The following GNB1 variants were observed in gnomAD, a reference collection of about 807,000 sequenced individuals.
GNB1 encodes the protein guanine nucleotide-binding protein G(I)/G(S)/G(T) subunit beta-1.
GNB1 carries 2 observed loss-of-function variants against 42.9 expected under a neutral mutation model. The ratio of observed to expected loss-of-function variants is 0.05; its 90% CI spans 0.02 to 0.15. The LOEUF (loss-of-function observed/expected upper bound fraction) is 0.15, where lower values mean the gene tolerates loss of function less well. GNB1 is among the 10% of genes least tolerant of loss of function. The probability of loss-of-function intolerance (pLI) is 1.00; values close to 1 mark genes in which losing one functional copy is unlikely to be tolerated. For missense variants in GNB1, 193 were observed against 462.2 expected (o/e 0.42, Z 5.34); for synonymous variants, 183 against 174.7 (o/e 1.05, Z -0.38).
chr1:1,875,846 C>A (rs558591260), intron 1 of GNB1, among the ~76,000 whole-genome samples: 98 of 152,166 alleles, frequency 6.4e-4, no homozygotes, highest in Non-Finnish European at 9.4e-4. Context: ...GTCCCCCCCC[C>A]CAAAATTCAT....
At chr1:1,832,733 G>A (rs888032031) in intron 2 of GNB1, among the ~76,000 whole-genome samples, 1 of 152,152 alleles carries the variant, frequency 6.6e-6, no homozygotes, top group African/African-American at 2.4e-5. Flanking sequence ...ATATTACACA[G>A]TCACCAATAA....
chr1:1,846,958 G>A (rs1158791767), intron 1 of GNB1, among the ~76,000 whole-genome samples: 3 of 152,208 alleles, frequency 2.0e-5, no homozygotes, highest in Non-Finnish European at 2.9e-5. Context: ...AAGATAACAG[G>A]AGAAGCAGTT....
chr1:1,865,042 C>G (rs886198676), intron 1 of GNB1, among the ~76,000 whole-genome samples: 7 of 151,378 alleles, frequency 4.6e-5, no homozygotes, highest in Non-Finnish European at 2.9e-5. Flanking sequence ...GCGGGCAGAT[C>G]ACAAGGTCAG....
At chr1:1,838,248 T>C (rs568147596) in intron 2 of GNB1, among the ~76,000 whole-genome samples, 1 of 152,136 alleles carries the variant, frequency 6.6e-6, no homozygotes, top group African/African-American at 2.4e-5. Flanking sequence ...CTAATTGCTA[T>C]TCAATTTAAT....
At chr1:1,828,788 T>C (rs866010124) in intron 2 of GNB1, among the ~76,000 whole-genome samples, 9 of 152,188 alleles carry the variant, frequency 5.9e-5, no homozygotes, top group African/African-American at 1.9e-4. Context: ...TGGGCTATAA[T>C]CCCAACACTT....
intron 1 of GNB1, among the ~76,000 whole-genome samples, chr1:1,859,920 A>G (rs1648526582): frequency 6.6e-6 from 1 of 152,016 alleles, no homozygotes; most frequent in African/African-American, 2.4e-5. Context: ...GGGAGAGGGG[A>G]CGGAAAGCAT....
At position 1,815,866 on chromosome 1, in the gene GNB1, G is replaced by C. The variant is rs1646847100; in HGVS notation, c.97-4C>G. On this transcript the variant is annotated splice_polypyrimidine_tract_variant and splice_region_variant and intron_variant, in intron 4 of 11. Coordinates refer to ENST00000378609, the MANE Select transcript of GNB1 (RefSeq NM_002074.5). ...CTGGGTCGATGTTGTTTGTGATCTT[G>C]AAAATAAAAACATTTCTGTAAATCA... The C allele has an allele frequency of 6.5e-7, 1 of 1,536,090 alleles. No individual in the cohort carries two copies. Among genetic ancestry groups the C allele is most frequent in the Admixed American group, 1.7e-5 (1 of 59,864 alleles).
In GNB1 at chr1:1,820,352, T is replaced by C. The variant is rs867345860; in HGVS notation, c.58-2477A>G. On this transcript the variant is annotated intron_variant, in intron 3 of 11. Transcript: ENST00000378609. ...CAGCCCGGGCAACAGAGCGAGACTC[T>C]GTTTAAAAAAAAAAAAAAAAAAAAA... is the stretch of plus-strand genomic sequence containing the variant. 1.7e-4 allele frequency among the ~76,000 whole-genome samples: 20 copies of C among 116,960 alleles called. No homozygotes were observed. In the South Asian group the frequency reaches 5.6e-3, roughly 33 times the overall value. 76.7% of individuals were successfully genotyped at this position (116,960 alleles called of 152,430 possible).
intron 1 of GNB1, among the ~76,000 whole-genome samples, chr1:1,863,839 CA>C (rs1648764949): frequency 6.6e-6 from 1 of 152,150 alleles, no homozygotes; most frequent in South Asian, 2.1e-4. Flanking sequence ...TAATTGATAA[CA>C]TTTTTTTAAA....
chr1:1,808,248 G>A (rs1012112944), intron 5 of GNB1, among the ~76,000 whole-genome samples: 10 of 152,054 alleles, frequency 6.6e-5, no homozygotes, highest in African/African-American at 2.4e-4. Context: ...CAGGTGATCC[G>A]CCCACCTCGG....
intron 2 of GNB1, among the ~76,000 whole-genome samples, chr1:1,838,285 A>G (rs1046776270): frequency 6.6e-6 from 1 of 152,170 alleles, no homozygotes; most frequent in East Asian, 1.9e-4. Flanking sequence ...AAATTATTTC[A>G]AACTTCAAAG....
chr1:1,855,020 G>A (rs530983229), intron 1 of GNB1, among the ~76,000 whole-genome samples: 19 of 152,222 alleles, frequency 1.2e-4, no homozygotes, highest in Admixed American at 5.9e-4. Context: ...TTAGCCAGGC[G>A]CAGTGGCAGT....
chr1:1,825,410 T>C lies in GNB1; in HGVS notation c.44A>G (p.Lys15Arg). Residue 15 changes from lysine (K) to arginine (R), a missense_variant, in exon 3 of 12, where the codon AAG (lysine) becomes AGG (arginine). By Grantham distance (26) the Lys-to-Arg change is conservative (BLOSUM62 2). Transcript: ENST00000378609. The part of the protein sequence containing the change: ...DQLRQEAEQL[K>R]NQIRDARKAC... ...ACAACTACATACTCGAATCTGGTTC[T>C]TAAGTTGCTCGGCCTCCTGCCGTAA... 1 of 1,612,166 alleles carries C rather than the reference T, an allele frequency of 6.2e-7. No homozygotes were observed. Among genetic ancestry groups the C allele is most frequent in the Non-Finnish European group, 8.5e-7 (1 of 1,178,174 alleles).
intron 2 of GNB1, among the ~76,000 whole-genome samples, chr1:1,831,037 T>C (rs1055860570): frequency 1.3e-5 from 2 of 152,146 alleles, no homozygotes; most frequent in African/African-American, 4.8e-5. Flanking sequence ...TGGTGATGCG[T>C]GCCTGTAATC....
At chr1:1,804,777 G>C (rs1191225963) in intron 6 of GNB1, among the ~76,000 whole-genome samples, 196 bp from the exon 7 acceptor site, 1 of 152,176 alleles carries the variant, frequency 6.6e-6, no homozygotes, top group Admixed American at 6.5e-5. Context: ...GCTGCACATG[G>C]GATTCAAATT....
chr1:1,845,824 TACACACACACACACAC>T (rs55953457), intron 1 of GNB1, among the ~76,000 whole-genome samples: 89 of 140,358 alleles, frequency 6.3e-4, no homozygotes, highest in Admixed American at 1.5e-3. Flanking sequence ...TGTAAGTCCA[TACACACACACACACAC>T]ACACACACAC....
Position 1,815,744 on chromosome 1 carries a change from GC to G in GNB1, c.203+11del. On this transcript the variant is annotated intron_variant, in intron 5 of 11. Transcript: ENST00000378609. ...ATGTAACAAGCAGCATCCTGCTCATGCCCACGCCTACCTGGAGTCTGTGCCC... is the reference window on the plus strand; with the variant it reads ...ATGTAACAAGCAGCATCCTGCTCATGCCACGCCTACCTGGAGTCTGTGCCC... 7.1e-7 allele frequency: 1 copy of G among 1,412,766 alleles called. No individual in the cohort carries two copies. The highest frequency in any genetic ancestry group is 1.0e-6 in the Non-Finnish European group (1 of 996,464). 87.5% of individuals were successfully genotyped at this position (1,412,766 alleles called of 1,614,324 possible).
At position 1,787,902 on chromosome 1, in the gene GNB1, G is replaced by C. The variant is rs1646427851; in HGVS notation, c.917-465C>G. Reference sequence around the variant, plus strand: ...AAAACCAGCAGGGCGTGGTGGTGCGGGCCGTAGTCCCAGCTACTCAGGAGG... The same window carrying C: ...AAAACCAGCAGGGCGTGGTGGTGCGCGCCGTAGTCCCAGCTACTCAGGAGG... On this transcript the variant is annotated intron_variant, in intron 10 of 11. Transcript: ENST00000378609. The surrounding 1 kb of genome is among the most constrained non-coding windows in gnomAD (Gnocchi z 4.4). The C allele has an allele frequency of 6.6e-6, 1 of 152,510 alleles. No homozygotes were observed. Among genetic ancestry groups the C allele is most frequent in the African/African-American group, 2.4e-5 (1 of 41,350 alleles). 9.4% of individuals were successfully genotyped at this position (152,510 alleles called of 1,614,324 possible).
At chr1:1,793,724 C>T (rs977176351) in intron 7 of GNB1, 3 of 157,806 alleles carry the variant, frequency 1.9e-5, no homozygotes, top group Admixed American at 6.3e-5. Context: ...CTACAGCCCA[C>T]GCTCAGCAGG....
Sources: allele counts gnomAD v4.1 joint callset (sites outside exome capture counted in the v4.1 genomes callset), GRCh38; gene constraint gnomAD v4.1.1; non-coding constraint Gnocchi (gnomAD v3.1); transcripts MANE v1.5; gene names NCBI Gene and HGNC (gene_info 2026-07-23, HGNC 2026-07-21).